The following SNX25 variants were observed in gnomAD, a reference collection of about 807,000 sequenced individuals.
SNX25 encodes the protein sorting nexin 25, also known as sorting nexin-25.
SNX25 carries 62 observed loss-of-function variants against 113.7 expected under a neutral mutation model. That is an observed-to-expected ratio of 0.55 (90% CI 0.44 to 0.67). SNX25 has a LOEUF of 0.67. Ranked by LOEUF, SNX25 falls within the 30% of genes least tolerant of loss-of-function variation. SNX25 has a pLI of 0.00. For synonymous variants in SNX25, 421 were observed against 436.2 expected (o/e 0.97, Z 0.43); for missense variants, 1,014 against 1,161.0 (o/e 0.87, Z 1.84).
chr4:185,309,213 G>A (rs1754907892), intron 6 of SNX25, among the ~76,000 whole-genome samples: 2 of 152,118 alleles, frequency 1.3e-5, no homozygotes, highest in Admixed American at 6.6e-5. Context: ...AGGACTGATG[G>A]CTTAGGCTTC....
At chr4:185,234,443 G>A (rs1266357449) in intron 1 of SNX25, among the ~76,000 whole-genome samples, 1 of 19,148 alleles carries the variant, frequency 5.2e-5, no homozygotes, top group Non-Finnish European at 1.4e-4. Flanking sequence ...AGCACTTTGG[G>A]AGGCCGAGGC....
At chr4:185,287,917 T>C in intron 5 of SNX25, 95 bp from the exon 6 acceptor site, 1 of 972,528 alleles carries the variant, frequency 1.0e-6, no homozygotes, top group South Asian at 1.7e-5. Flanking sequence ...AGCTCCTGTG[T>C]TACATTTGTT....
chr4:185,325,532 C>CAAAAA (rs34665853), intron 9 of SNX25, among the ~76,000 whole-genome samples: 1 of 111,618 alleles, frequency 9.0e-6, no homozygotes, highest in Non-Finnish European at 1.7e-5. Flanking sequence ...GACTCCGTCT[C>CAAAAA]AAAAAAAAAA....
At chr4:185,230,469 C>A (rs752619058) in intron 1 of SNX25, among the ~76,000 whole-genome samples, 1 of 150,952 alleles carries the variant, frequency 6.6e-6, no homozygotes. Flanking sequence ...TATCAGCTCA[C>A]GCAACATCCG....
Position 185,310,712 on chromosome 4 carries a change from G to C in SNX25, c.1240G>C (p.Ala414Pro). Residue 414 changes from alanine (A) to proline (P), a missense_variant, in exon 7 of 19, where the codon GCA becomes CCA. Physicochemically the swap from Ala to Pro is conservative, Grantham distance 27. Transcript: ENST00000652585. ...MKRYINQLTV[A>P]KKQCEKRIRI... is the part of the protein sequence containing the mutation. ...GAGGTACATCAACCAACTGACTGTG[G>C]CAAAGAAGCAGTGTGAGAAGAGAAT... 2 of 1,614,022 alleles carry C rather than the reference G, an allele frequency of 1.2e-6. No homozygotes were observed. The highest frequency in any genetic ancestry group is 1.7e-6 in the Non-Finnish European group (2 of 1,179,956).
chr4:185,362,836 A>AAT, intron 18 of SNX25, 125 bp downstream of exon 18: 12 of 352,572 alleles, frequency 3.4e-5, no homozygotes, highest in Non-Finnish European at 3.3e-5. Context: ...ATCTCCCTTG[A>AAT]CTTTTTTTTT....
chr4:185,234,115 C>T (rs1269305186), intron 1 of SNX25, among the ~76,000 whole-genome samples: 1 of 152,182 alleles, frequency 6.6e-6, no homozygotes, highest in South Asian at 2.1e-4. Flanking sequence ...GCCTCAGCTT[C>T]CCAAGGTGCT....
At chr4:185,230,955 C>T (rs1304114220) in intron 1 of SNX25, among the ~76,000 whole-genome samples, 4 of 152,114 alleles carry the variant, frequency 2.6e-5, no homozygotes, top group Non-Finnish European at 2.9e-5. Context: ...CTGATGTCAA[C>T]AAGGCCCAAG....
At chr4:185,376,261 T>C in the SNX25 span, among the ~76,000 whole-genome samples, 1 of 152,136 alleles carries the variant, frequency 6.6e-6, no homozygotes, top group Non-Finnish European at 1.5e-5. Context: ...ATTATTAATA[T>C]GAAGATACCT....
intron 16 of SNX25, 59 bp downstream of exon 16, chr4:185,357,796 A>C: frequency 7.3e-7 from 1 of 1,362,084 alleles, no homozygotes; most frequent in Non-Finnish European, 1.1e-6. Flanking sequence ...TTGACAGTCA[A>C]ATTACCTTAT....
chr4:185,338,513 C>T (rs967396464), intron 10 of SNX25, among the ~76,000 whole-genome samples: 2 of 152,258 alleles, frequency 1.3e-5, no homozygotes, highest in African/African-American at 4.8e-5. Flanking sequence ...GTCTCCAACT[C>T]CTGACCTCAG....
At chr4:185,241,493 G>A (rs1744000493) in intron 1 of SNX25, among the ~76,000 whole-genome samples, 1 of 109,114 alleles carries the variant, frequency 9.2e-6, no homozygotes, top group African/African-American at 3.0e-5. Flanking sequence ...AGACTGTGGG[G>A]AGAGGGAGAC....
intron 2 of SNX25, among the ~76,000 whole-genome samples, chr4:185,258,091 C>T (rs1394834172): frequency 1.3e-5 from 2 of 152,152 alleles, no homozygotes; most frequent in African/African-American, 2.4e-5. Flanking sequence ...GACCTTAGGA[C>T]AGAAAAAATT....
chr4:185,226,666 G>C (rs757950696), intron 1 of SNX25, among the ~76,000 whole-genome samples: 4 of 152,248 alleles, frequency 2.6e-5, no homozygotes, highest in Non-Finnish European at 4.4e-5. Context: ...GCCCGGGCTG[G>C]TCTTGAACTC....
chr4:185,258,670 G>C (rs1168651529), intron 2 of SNX25, among the ~76,000 whole-genome samples, 178 bp from the exon 3 acceptor site: 1 of 152,180 alleles, frequency 6.6e-6, no homozygotes, highest in Non-Finnish European at 1.5e-5. Context: ...AAACGTTCTA[G>C]TTAGATGAGA....
chr4:185,362,112 C>T lies in SNX25; in HGVS notation c.2833+7C>T. 1.2e-6 allele frequency: 2 copies of T among 1,604,952 alleles called. No individual in the cohort carries two copies. The highest frequency in any genetic ancestry group is 1.7e-6 in the Non-Finnish European group (2 of 1,174,704). On this transcript the variant is annotated splice_region_variant and intron_variant, in intron 17 of 18. Transcript: ENST00000652585. ...CTGCTTGAAAACATTCCAGGTGAGGCCTGGGCTATTAGCCTGAAAAGCATA... is the reference window on the plus strand; with the variant it reads ...CTGCTTGAAAACATTCCAGGTGAGGTCTGGGCTATTAGCCTGAAAAGCATA...
upstream of SNX25, among the ~76,000 whole-genome samples, chr4:185,208,924 C>A (rs1183135733): frequency 6.6e-6 from 1 of 152,150 alleles, no homozygotes; most frequent in Non-Finnish European, 1.5e-5. Flanking sequence ...CAAATATATA[C>A]TCTAAAAATT....
chr4:185,300,733 A>T (rs1753542590), intron 6 of SNX25, among the ~76,000 whole-genome samples: 2 of 152,150 alleles, frequency 1.3e-5, no homozygotes, highest in Non-Finnish European at 2.9e-5. Flanking sequence ...TTGAAACCTA[A>T]TCACCAAGGT....
rs142103075 is a variant in SNX25, at chr4:185,323,943, G to A, written c.1749+143G>A. 2.7e-4 allele frequency: 218 copies of A among 820,054 alleles called. No individual in the cohort carries two copies. The African/African-American group carries it at 3.2e-3, about 12-fold the overall frequency. 50.8% of individuals were successfully genotyped at this position (820,054 alleles called of 1,614,324 possible). Reference sequence around the variant, plus strand: ...CCTTAAATAGAATAAAAGTAGCATCGTTTAATATACAAGACCTTAAATAGA... The same window carrying A: ...CCTTAAATAGAATAAAAGTAGCATCATTTAATATACAAGACCTTAAATAGA... On this transcript the variant is annotated intron_variant, in intron 9 of 18. Transcript: ENST00000652585.
Sources: gnomAD v4.1 joint callset for allele counts (sites outside exome capture counted in the v4.1 genomes callset) on GRCh38, gnomAD v4.1.1 for gene constraint, MANE v1.5 for transcripts, NCBI Gene and HGNC (gene_info 2026-07-23, HGNC 2026-07-21) for gene names.